The following MCF2 variants were observed in gnomAD, a reference collection of about 807,000 sequenced individuals.
MCF2 encodes proto-oncogene DBL.
A neutral mutation model predicts 82.5 loss-of-function variants in MCF2; 44 were observed. That is an observed-to-expected ratio of 0.53 (90% confidence interval 0.42 to 0.69). The LOEUF is 0.69. Among genes scored for constraint, MCF2 ranks in the 30% least tolerant of loss-of-function variants. The pLI is 0.00. For synonymous variants in MCF2, 217 were observed against 224.9 expected, an observed-to-expected ratio of 0.96 and a Z score of 0.32; for missense variants, 623 against 663.1, an observed-to-expected ratio of 0.94 and a Z score of 0.66.
intron 17 of MCF2, 127 bp from the exon 22 acceptor site, chrX:139,597,712 T>C: frequency 2.2e-6 from 1 of 445,769 alleles, no homozygotes. Context: ...GTAATTCCTT[T>C]TACATGCCCT....
At chrX:139,649,682 A>G (rs1283965007) in intron 2 of MCF2, among the ~76,000 whole-genome samples, 2 of 111,984 alleles carry the variant, frequency 1.8e-5, no homozygotes, top group African/African-American at 3.2e-5. Flanking sequence ...TTTACATTCC[A>G]AATCAGGAAG....
intron 11 of MCF2, 105 bp downstream of exon 15, chrX:139,610,196 A>T (rs1405086335): frequency 9.4e-6 from 5 of 532,501 alleles, no homozygotes; most frequent in Non-Finnish European, 1.5e-5. Context: ...ATAGTCTTTC[A>T]AAGACACAAT....
chrX:139,674,601 T>C (rs1439238545), intron 1 of MCF2, among the ~76,000 whole-genome samples: 1 of 112,107 alleles, frequency 8.9e-6, no homozygotes, highest in Admixed American at 9.5e-5. Flanking sequence ...TGGCTGGATA[T>C]GAAATTCTGG....
chrX:139,582,493 G>T lies in MCF2; in HGVS notation c.2756C>A (p.Ser919Ter). ...TCATCAATATAGGAGAGCCATCTCC[G>T]ACACAGGTCTCTACAAGGGAAGCAG... Residue 919 changes from serine (S) to a stop codon, truncating the protein, a stop_gained, in exon 25 of 25, where the codon TCG becomes TAG. Coordinates refer to ENST00000370576, the Ensembl canonical transcript of MCF2. LOFTEE classifies it high-confidence loss of function. 1.7e-6 allele frequency: 2 copies of T among 1,205,586 alleles called. No individual in the cohort carries two copies.
At chrX:139,638,073 G>A (rs1269397206) in intron 1 of MCF2, among the ~76,000 whole-genome samples, 1 of 111,631 alleles carries the variant, frequency 9.0e-6, no homozygotes, top group Non-Finnish European at 1.9e-5. Flanking sequence ...TTGGACTTCT[G>A]ACCTCCAGAA....
chrX:139,687,846 G>A (rs1935163512), intron 1 of MCF2, among the ~76,000 whole-genome samples: 1 of 112,122 alleles, frequency 8.9e-6, no homozygotes, highest in African/African-American at 3.2e-5. Flanking sequence ...AAGATGTTTT[G>A]CAATTGGAAT....
intron 1 of MCF2, among the ~76,000 whole-genome samples, chrX:139,639,769 T>C: frequency 8.9e-6 from 1 of 112,178 alleles, no homozygotes; most frequent in East Asian, 2.8e-4. Flanking sequence ...GTTATTCTAG[T>C]TATTATTTCT....
chrX:139,671,037 T>C (rs1437665460), intron 1 of MCF2, among the ~76,000 whole-genome samples: 3 of 111,990 alleles, frequency 2.7e-5, no homozygotes, highest in Admixed American at 9.5e-5. Flanking sequence ...TCATTGTGGT[T>C]TTGATTTGCA....
chrX:139,682,080 T>G (rs1935011799), intron 1 of MCF2, among the ~76,000 whole-genome samples: 1 of 99,339 alleles, frequency 1.0e-5, no homozygotes, highest in African/African-American at 3.8e-5. Flanking sequence ...ATGACAGGAG[T>G]AAGAAGGGAG....
At chrX:139,603,590 C>T (rs948274582) in intron 15 of MCF2, among the ~76,000 whole-genome samples, 4 of 112,346 alleles carry the variant, frequency 3.6e-5, no homozygotes, top group Non-Finnish European at 5.6e-5. Context: ...AATCCCAACA[C>T]TTTGGGAGGC....
intron 1 of MCF2, among the ~76,000 whole-genome samples, chrX:139,680,448 A>G (rs770971968): frequency 8.9e-6 from 1 of 112,155 alleles, no homozygotes; most frequent in Non-Finnish European, 1.9e-5. Context: ...ATGTGGGGAA[A>G]AGGCACTGAA....
chrX:139,619,679 T>C (rs935888287), exon 7 of MCF2: 28 of 1,182,869 alleles, frequency 2.4e-5, no homozygotes, highest in Non-Finnish European at 3.1e-5. Context: ...GCTTGTTGGT[T>C]TAATAGAAAT....
intron 16 of MCF2, 139 bp downstream of exon 20, chrX:139,602,267 G>C: frequency 2.0e-6 from 1 of 491,147 alleles, no homozygotes; most frequent in Non-Finnish European, 3.5e-6. Flanking sequence ...GTGTGTTGGG[G>C]GGGAGGGTGG....
At chrX:139,616,696 T>C (rs776350779) in intron 8 of MCF2, among the ~76,000 whole-genome samples, 8 of 110,810 alleles carry the variant, frequency 7.2e-5, no homozygotes, top group African/African-American at 2.3e-4. Flanking sequence ...GCTCCACAGA[T>C]ACTGCTGATA....
intron 19 of MCF2, among the ~76,000 whole-genome samples, chrX:139,591,474 T>C (rs1411264419): frequency 9.0e-6 from 1 of 111,124 alleles, no homozygotes; most frequent in Admixed American, 9.7e-5. Context: ...CTATGTGCAA[T>C]TTGTAAAATT....
chrX:139,603,593 T>C (rs1342190023), intron 15 of MCF2, among the ~76,000 whole-genome samples: 2 of 112,245 alleles, frequency 1.8e-5, no homozygotes, highest in Non-Finnish European at 3.8e-5. Context: ...CCCAACACTT[T>C]GGGAGGCTGA....
chrX:139,619,128 T>C (rs1174433680), intron 7 of MCF2, among the ~76,000 whole-genome samples: 2 of 111,207 alleles, frequency 1.8e-5, no homozygotes, highest in African/African-American at 6.5e-5. Context: ...GCACCATATA[T>C]CATTCTTCAT....
At chrX:139,658,816 C>T (rs1410346196) in intron 1 of MCF2, among the ~76,000 whole-genome samples, 1 of 108,397 alleles carries the variant, frequency 9.2e-6, no homozygotes, top group Admixed American at 9.9e-5. Context: ...ACTGGGACTA[C>T]AGGCGCACAC....
rs73575887 is a variant in MCF2, at chrX:139,634,240, T to C, written c.52-1786A>G. On this transcript the variant is annotated intron_variant, in intron 1 of 24. Coordinates refer to ENST00000370576, the Ensembl canonical transcript of MCF2. ...ATGAAAAATGTTCCAACTGCAATTA[T>C]ATTTCAGGCATATTACAATACTAGT... Among the ~76,000 whole-genome samples, 508 of 111,960 alleles carry C rather than the reference T, an allele frequency of 4.5e-3. 5 individuals carry two copies. Among genetic ancestry groups the C allele is most frequent in the African/African-American group, 0.016 (486 of 30,835 alleles).
Sources: gnomAD v4.1 joint callset for allele counts (sites outside exome capture counted in the v4.1 genomes callset) on GRCh38, gnomAD v4.1.1 for gene constraint, MANE v1.5 for transcripts, NCBI Gene and HGNC (gene_info 2026-07-23, HGNC 2026-07-21) for gene names.